The following TMPRSS9 variants were observed in gnomAD, a reference collection of about 807,000 sequenced individuals.
TMPRSS9 encodes transmembrane serine protease 9.
Under a neutral mutation model 111.4 loss-of-function variants are expected in TMPRSS9, and 113 were observed. That is an observed-to-expected ratio of 1.01 (90% CI 0.87 to 1.19). The LOEUF (loss-of-function observed/expected upper bound fraction) is 1.19, where lower values mean the gene tolerates loss of function less well. Ranked by LOEUF, TMPRSS9 falls within the 50% of genes most tolerant of loss-of-function variation. The pLI, the probability that TMPRSS9 is intolerant of heterozygous loss-of-function variation, is 0.00. For missense variants in TMPRSS9, 1,803 were observed against 1,513.1 expected, an observed-to-expected ratio of 1.19 and a Z score of -3.18; for synonymous variants, 805 against 659.1, an observed-to-expected ratio of 1.22 and a Z score of -3.39.
intron 1 of TMPRSS9, chr19:2,396,247 C>A (rs953533490): frequency 6.4e-6 from 2 of 311,802 alleles, no homozygotes; most frequent in Non-Finnish European, 1.2e-5. Context: ...GAGGAAAACA[C>A]GGGGGCATCT....
chr19:2,411,901 C>A (rs1971104105), intron 9 of TMPRSS9, among the ~76,000 whole-genome samples: 1 of 152,146 alleles, frequency 6.6e-6, no homozygotes, highest in African/African-American at 2.4e-5. Context: ...CTTCTTTCAG[C>A]CACCTGGTCT....
chr19:2,367,137 A>G (rs190754547), intron 1 of TMPRSS9, among the ~76,000 whole-genome samples: 3 of 152,280 alleles, frequency 2.0e-5, no homozygotes, highest in East Asian at 1.9e-4. Context: ...GGTATATTCT[A>G]TTCATTACAA....
chr19:2,403,981 G>T (rs7259962), intron 6 of TMPRSS9, among the ~76,000 whole-genome samples: 2,192 of 126,772 alleles, frequency 0.017, 40 homozygotes, highest in African/African-American at 0.063. Context: ...AACAGAGCGA[G>T]ACTCTGTCTC....
chr19:2,396,245 C>T (rs7252511), intron 1 of TMPRSS9: 71,474 of 303,204 alleles, frequency 0.24, 10,679 homozygotes, highest in East Asian at 0.57. Flanking sequence ...TCGAGGAAAA[C>T]ACGGGGGCAT....
intron 14 of TMPRSS9, among the ~76,000 whole-genome samples, chr19:2,423,317 C>T (rs887388897): frequency 1.3e-5 from 2 of 151,890 alleles, no homozygotes; most frequent in African/African-American, 4.8e-5. Flanking sequence ...AGCTGGTGTT[C>T]CCAAGGACAG....
intron 1 of TMPRSS9, among the ~76,000 whole-genome samples, chr19:2,394,273 G>A (rs1342803727): frequency 6.6e-6 from 1 of 151,884 alleles, no homozygotes; most frequent in Non-Finnish European, 1.5e-5. Context: ...CTGTGGTCTA[G>A]CTACTTGGGA....
chr19:2,399,260 A>T, intron 4 of TMPRSS9, 67 bp downstream of exon 5: 1 of 1,499,824 alleles, frequency 6.7e-7, no homozygotes, highest in Non-Finnish European at 8.9e-7. Flanking sequence ...GCTGCAAGAT[A>T]CATTTTGATA....
intron 1 of TMPRSS9, among the ~76,000 whole-genome samples, chr19:2,384,630 G>C (rs532596218): frequency 6.6e-6 from 1 of 151,516 alleles, no homozygotes; most frequent in African/African-American, 2.4e-5. Context: ...CCTGGCTAAC[G>C]TGGTGAAACC....
At chr19:2,411,400 C>CCCTTT (rs1971094084) in intron 9 of TMPRSS9, among the ~76,000 whole-genome samples, 1 of 100,678 alleles carries the variant, frequency 9.9e-6, no homozygotes, top group African/African-American at 3.8e-5. Flanking sequence ...TCTTCTTCTT[C>CCCTTT]TTTTTTTTTT....
At chr19:2,408,152 C>A (rs1235398224) in intron 7 of TMPRSS9, among the ~76,000 whole-genome samples, 1 of 151,684 alleles carries the variant, frequency 6.6e-6, no homozygotes, top group Non-Finnish European at 1.5e-5. Context: ...CTCCTGGGCT[C>A]AGGTGATCCT....
At chr19:2,366,669 A>G (rs1599273437) in intron 1 of TMPRSS9, among the ~76,000 whole-genome samples, 2 of 151,464 alleles carry the variant, frequency 1.3e-5, no homozygotes, top group African/African-American at 2.4e-5. Context: ...CATCCTGGCT[A>G]ACACGATGAA....
chr19:2,366,884 G>A (rs1242296123), intron 1 of TMPRSS9, among the ~76,000 whole-genome samples: 3 of 151,422 alleles, frequency 2.0e-5, no homozygotes, highest in Non-Finnish European at 2.9e-5. Context: ...AAAGACATGG[G>A]CCAGGGCTGC....
At chr19:2,400,617 AAAAC>A (rs957074267) in intron 4 of TMPRSS9, among the ~76,000 whole-genome samples, 3 of 152,228 alleles carry the variant, frequency 2.0e-5, no homozygotes, top group Admixed American at 2.0e-4. Flanking sequence ...TAAAAAATAA[AAAAC>A]AAAATTGTAC....
intron 1 of TMPRSS9, among the ~76,000 whole-genome samples, chr19:2,375,958 C>G (rs1461405082): frequency 1.3e-5 from 2 of 152,100 alleles, no homozygotes; most frequent in Non-Finnish European, 2.9e-5. Flanking sequence ...CAGGGTGTTC[C>G]TCCTGTAAAG....
chr19:2,419,363 C>G (rs2145407416), intron 13 of TMPRSS9, among the ~76,000 whole-genome samples: 1 of 150,354 alleles, frequency 6.7e-6, no homozygotes, highest in South Asian at 2.1e-4. Context: ...GCCACCATGC[C>G]CAGCTAATTT....
At chr19:2,384,812 C>CA (rs1176243923), upstream of TMPRSS9, among the ~76,000 whole-genome samples, 26,784 of 94,200 alleles carry the variant, frequency 0.28, 3,910 homozygotes, top group Admixed American at 0.41. Context: ...AAGGCTCCGT[C>CA]AAAAAAAAAA....
intron 6 of TMPRSS9, among the ~76,000 whole-genome samples, chr19:2,404,758 C>G (rs1011124332): frequency 2.6e-5 from 4 of 151,594 alleles, no homozygotes; most frequent in African/African-American, 9.7e-5. Flanking sequence ...TGGTGAAACC[C>G]CGGCTCTACT....
chr19:2,376,460 T>C (rs575879401), intron 1 of TMPRSS9, among the ~76,000 whole-genome samples: 19 of 147,686 alleles, frequency 1.3e-4, no homozygotes, highest in African/African-American at 4.8e-4. Flanking sequence ...AGATGTCATT[T>C]CTTTTTTTTT....
At chr19:2,400,592 G>C (rs1310986714) in intron 4 of TMPRSS9, among the ~76,000 whole-genome samples, 1 of 151,962 alleles carries the variant, frequency 6.6e-6, no homozygotes, top group Non-Finnish European at 1.5e-5. Context: ...GCATGATTTT[G>C]TATGCACCTG....
Sources: allele counts gnomAD v4.1 joint callset (sites outside exome capture counted in the v4.1 genomes callset), GRCh38; gene constraint gnomAD v4.1.1; transcripts MANE v1.5; gene names NCBI Gene and HGNC (gene_info 2026-07-23, HGNC 2026-07-21).